The following XG variants were observed in gnomAD, a reference collection of about 807,000 sequenced individuals.
XG encodes Xg glycoprotein (Xg blood group).
In XG, 24 loss-of-function variants were observed where a neutral mutation model predicts 25.7. The ratio of observed to expected loss-of-function variants is 0.93; its 90% CI spans 0.68 to 1.31. The LOEUF (loss-of-function observed/expected upper bound fraction) is 1.31, where lower values mean the gene tolerates loss of function less well. XG is among the 40% of genes most tolerant of loss of function. The pLI, the probability that XG is intolerant of heterozygous loss-of-function variation, is 0.00. For synonymous variants in XG, 77 were observed against 69.2 expected (o/e 1.11, Z -0.56); for missense variants, 181 against 187.6 (o/e 0.96, Z 0.21).
At chrX:2,810,193 T>C (rs932899454) in intron 9 of XG, among the ~76,000 whole-genome samples, 5 of 112,118 alleles carry the variant, frequency 4.5e-5, no homozygotes, top group Non-Finnish European at 9.4e-5. Flanking sequence ...CCATGCCATG[T>C]ATTGGCCCAG....
chrX:2,812,258 G>T (rs2087065471), intron 10 of XG, among the ~76,000 whole-genome samples: 1 of 111,626 alleles, frequency 9.0e-6, no homozygotes, highest in South Asian at 3.8e-4. Context: ...GGAAAGATCT[G>T]CTGTGGCTTC....
chrX:2,757,496 T>A (rs765374547), intron 1 of XG, among the ~76,000 whole-genome samples: 1 of 151,984 alleles, frequency 6.6e-6, no homozygotes, highest in East Asian at 1.9e-4. Context: ...GAGCTGTGTT[T>A]CTATGTAAAG....
intron 1 of XG, among the ~76,000 whole-genome samples, chrX:2,754,940 A>G (rs180959144): frequency 6.6e-5 from 10 of 152,352 alleles, no homozygotes; most frequent in Admixed American, 5.9e-4. Flanking sequence ...GTTGACATTC[A>G]GTATTAACCG....
intron 1 of XG, among the ~76,000 whole-genome samples, chrX:2,759,375 AGGAGGTATAGTTGTCT>A (rs976191658): frequency 1.5e-3 from 224 of 152,278 alleles, no homozygotes; most frequent in African/African-American, 4.9e-3. Flanking sequence ...TGTACGCTGT[AGGAGGTATAGTTGTCT>A]GGAGGTATAG....
chrX:2,767,263 T>C (rs1346154590), intron 1 of XG, among the ~76,000 whole-genome samples: 1 of 152,136 alleles, frequency 6.6e-6, no homozygotes, highest in Non-Finnish European at 1.5e-5. Context: ...TTCAAAGTGC[T>C]GTATCACATG....
intron 1 of XG, among the ~76,000 whole-genome samples, chrX:2,767,818 G>A (rs758185371): frequency 1.2e-4 from 19 of 152,284 alleles, no homozygotes; most frequent in African/African-American, 4.6e-4. Flanking sequence ...GCCGGAGTCC[G>A]CCTGGTTTAT....
chrX:2,804,420 G>A (rs1006314440), intron 7 of XG, among the ~76,000 whole-genome samples: 3 of 107,593 alleles, frequency 2.8e-5, no homozygotes, highest in Non-Finnish European at 3.9e-5. Flanking sequence ...GTTTCGCCAC[G>A]TTGCCCAGGC....
intron 5 of XG, among the ~76,000 whole-genome samples, chrX:2,790,800 C>CA (rs1348753556): frequency 2.7e-5 from 3 of 110,120 alleles, no homozygotes; most frequent in Admixed American, 1.9e-4. Flanking sequence ...GACTCTGTCT[C>CA]AAAAAAAGGC....
chrX:2,808,296 T>C (rs2087023633), intron 9 of XG, 76 bp downstream of exon 9: 17 of 1,129,363 alleles, frequency 1.5e-5, no homozygotes, highest in Non-Finnish European at 1.9e-5. Context: ...AGGAGCTGTG[T>C]GGGCTTCTGT....
chrX:2,814,247 C>G, intron 10 of XG, 117 bp from the exon 11 acceptor site: 1 of 915,381 alleles, frequency 1.1e-6, no homozygotes, highest in Non-Finnish European at 1.5e-6. Flanking sequence ...TCTCCTAAAT[C>G]TAGAGCAAGA....
At chrX:2,765,376 G>GGGAAGGAAGGAGGGAAGGAAGGAA (rs2050660448) in intron 1 of XG, among the ~76,000 whole-genome samples, 2 of 144,130 alleles carry the variant, frequency 1.4e-5, no homozygotes, top group Non-Finnish European at 3.0e-5. Context: ...GAGGGAGGGA[G>GGGAAGGAAGGAGGGAAGGAAGGAA]GGAAGGAAGG....
chrX:2,759,324 C>G (rs1412540183), intron 1 of XG, among the ~76,000 whole-genome samples: 1 of 152,176 alleles, frequency 6.6e-6, no homozygotes, highest in Admixed American at 6.5e-5. Context: ...GTTATAACTT[C>G]TAACCCTGCG....
At chrX:2,753,812 C>T (rs1288474095) in intron 1 of XG, among the ~76,000 whole-genome samples, 1 of 152,008 alleles carries the variant, frequency 6.6e-6, no homozygotes, top group Non-Finnish European at 1.5e-5. Flanking sequence ...TGAATCTTGA[C>T]CTCTGGTGAT....
intron 2 of XG, among the ~76,000 whole-genome samples, chrX:2,773,847 G>A (rs1192861454): frequency 6.6e-6 from 1 of 150,862 alleles, no homozygotes; most frequent in Non-Finnish European, 1.5e-5. Context: ...GAGAAGGAAG[G>A]AAGGAAGAAG....
At position 2,811,427 on chromosome X, in the gene XG, T is replaced by G; in HGVS notation, c.546T>G (p.Asn182Lys). The G allele has an allele frequency of 8.3e-7, 1 of 1,204,426 alleles. No homozygotes were observed. Among genetic ancestry groups the G allele is most frequent in the Non-Finnish European group, 1.1e-6 (1 of 891,510 alleles). Residue 182 changes from asparagine (N) to lysine (K), a missense_variant, in exon 10 of 11, where the codon AAT becomes AAG. Transcript: ENST00000644266. ...GAAASYFKLN[N>K]RRNCFRTHEP... is the part of the protein sequence containing the mutation. The stretch of plus-strand genomic sequence containing the variant: ...CAGCCAGTTATTTCAAACTAAACAA[T>G]AGGAGAAATTGTTTCAGGACCCATG...
At chrX:2,802,671 G>A (rs2086956059) in intron 7 of XG, among the ~76,000 whole-genome samples, 1 of 109,763 alleles carries the variant, frequency 9.1e-6, no homozygotes, top group African/African-American at 3.3e-5. Flanking sequence ...AGTCTGGGTG[G>A]CGCCGGCTGG....
At position 2,816,033 on chromosome X, in the gene XG, G is replaced by A. The variant is rs919472993; in HGVS notation, c.*1653G>A. On this transcript the variant is annotated 3_prime_UTR_variant, in exon 11 of 11. Coordinates refer to ENST00000644266, the MANE Select transcript of XG (RefSeq NM_001141919.2). ...TATGAACCTTCGTAGCTGTGAATATGATGCCATAAATCTCTTTTAAAGCTC... is the reference window on the plus strand; with the variant it reads ...TATGAACCTTCGTAGCTGTGAATATAATGCCATAAATCTCTTTTAAAGCTC... The A allele has an allele frequency of 7.1e-5, 8 of 112,152 alleles. No homozygotes were observed. The highest frequency in any genetic ancestry group is 2.6e-4 in the African/African-American group (8 of 30,885). 9.2% of individuals were successfully genotyped at this position (112,152 alleles called of 1,213,427 possible). A position where few individuals can be genotyped will look rare whatever the true frequency, so the allele number is the denominator to read the frequency against.
At chrX:2,778,128 A>G (rs747643579) in intron 3 of XG, among the ~76,000 whole-genome samples, 1 of 152,358 alleles carries the variant, frequency 6.6e-6, no homozygotes, top group Non-Finnish European at 1.5e-5. Context: ...TGATAATGGA[A>G]TCTTGACCCA....
chrX:2,791,828 T>G (rs1206543624), intron 5 of XG, among the ~76,000 whole-genome samples: 1 of 110,390 alleles, frequency 9.1e-6, no homozygotes, highest in Non-Finnish European at 1.9e-5. Flanking sequence ...AATGAAAGAC[T>G]TACCGCTACA....
Sources: gnomAD v4.1 joint callset for allele counts (sites outside exome capture counted in the v4.1 genomes callset) on GRCh38, gnomAD v4.1.1 for gene constraint, MANE v1.5 for transcripts, NCBI Gene and HGNC (gene_info 2026-07-23, HGNC 2026-07-21) for gene names.